The following TMEM87A variants were observed in gnomAD, a reference collection of about 807,000 sequenced individuals.
The protein encoded by TMEM87A is transmembrane protein 87A, also known as Golgi-pH regulating cation channel.
In TMEM87A, 50 loss-of-function variants were observed where a neutral mutation model predicts 90.0. That is an observed-to-expected ratio of 0.56 (90% confidence interval 0.44 to 0.70). The LOEUF (loss-of-function observed/expected upper bound fraction) is 0.70. Ranked by LOEUF, TMEM87A falls within the 30% of genes least tolerant of loss-of-function variation. The pLI is 0.00. For synonymous variants in TMEM87A, 226 were observed against 226.7 expected (o/e 1.00, Z 0.03); for missense variants, 577 against 660.5 (o/e 0.87, Z 1.39).
chr15:42,237,540 C>A lies in TMEM87A; in HGVS notation c.760G>T (p.Asp254Tyr). ...WLAWSACYWR[D>Y]LLRIQFWIGA... ...ATCCAAAACTGAATTCTCAGGAGAT[C>A]TCTCCAGTAGCAGGCAGACCATGCC... Residue 254 changes from aspartate (D) to tyrosine (Y), a missense_variant, in exon 9 of 20, where the codon GAT becomes TAT. Asp to Tyr is a radical substitution (Grantham distance 160). Coordinates refer to ENST00000389834, the MANE Select transcript of TMEM87A (RefSeq NM_015497.5). The A allele has an allele frequency of 1.9e-6, 3 of 1,614,140 alleles. No homozygotes were observed. The highest frequency in any genetic ancestry group is 2.5e-6 in the Non-Finnish European group (3 of 1,180,034).
At chr15:42,264,699 A>ATATTTT (rs10681614) in intron 3 of TMEM87A, among the ~76,000 whole-genome samples, 2,559 of 109,434 alleles carry the variant, frequency 0.023, 29 homozygotes, top group Middle Eastern at 0.034. Context: ...ATATATATAT[A>ATATTTT]TTTTTTTTTT....
intron 6 of TMEM87A, among the ~76,000 whole-genome samples, chr15:42,257,010 G>A (rs754314139): frequency 3.3e-5 from 5 of 152,166 alleles, no homozygotes; most frequent in African/African-American, 7.2e-5. Flanking sequence ...GAGCCACAGC[G>A]CCTGGCTTAA....
chr15:42,230,946 C>T (rs1483836096), intron 12 of TMEM87A, among the ~76,000 whole-genome samples: 1 of 151,974 alleles, frequency 6.6e-6, no homozygotes, highest in East Asian at 1.9e-4. Context: ...AGAAAAAAGC[C>T]AAAAGATTTT....
At chr15:42,228,589 C>A in intron 13 of TMEM87A, 123 bp downstream of exon 13, 1 of 753,984 alleles carries the variant, frequency 1.3e-6, no homozygotes, top group Non-Finnish European at 2.3e-6. Context: ...TTGACAAGAG[C>A]TAAGAACCCT....
At position 42,261,295 on chromosome 15, in the gene TMEM87A, A is replaced by G. The variant is rs750497303; in HGVS notation, c.406-46T>C. The G allele has an allele frequency of 6.5e-6, 10 of 1,545,718 alleles. No individual in the cohort carries two copies. In the South Asian group the frequency reaches 1.2e-4, roughly 18 times the overall value. On this transcript the variant is annotated intron_variant, in intron 4 of 19. Transcript: ENST00000389834. The stretch of plus-strand genomic sequence containing the variant: ...AAAACATTAAAGGTGTGTAAATACT[A>G]GAAGAAAAGTGTAGCTCAAAATACA...
In TMEM87A at chr15:42,211,706, C is replaced by G; in HGVS notation, c.*2G>C. 5 of 1,613,204 alleles carry G rather than the reference C, an allele frequency of 3.1e-6. No individual in the cohort carries two copies. Among genetic ancestry groups the G allele is most frequent in the Non-Finnish European group, 4.2e-6 (5 of 1,179,672 alleles). ...ATCTTTAACTGCAAATCTTCCCATT[C>G]CTTACTCCATTTTGGACCTTTCAAA... On this transcript the variant is annotated 3_prime_UTR_variant, in exon 20 of 20. Transcript: ENST00000389834.
intron 12 of TMEM87A, 143 bp from the exon 13 acceptor site, chr15:42,228,963 A>T: frequency 1.8e-6 from 1 of 558,830 alleles, no homozygotes; most frequent in South Asian, 2.5e-5. Flanking sequence ...TTCTCACTTA[A>T]TCTCACAAAC....
chr15:42,224,617 G>A (rs2050556136), intron 15 of TMEM87A: 1 of 152,178 alleles, frequency 6.6e-6, no homozygotes, highest in East Asian at 1.9e-4. Context: ...TGAACATCAG[G>A]ATGGTCTTGA....
At chr15:42,231,334 C>G in intron 11 of TMEM87A, 74 bp from the exon 12 acceptor site, 1 of 1,247,528 alleles carries the variant, frequency 8.0e-7, no homozygotes, top group Non-Finnish European at 1.1e-6. Context: ...CCACATGATT[C>G]TGCATTTACA....
At chr15:42,227,815 C>T (rs1279507340) in intron 13 of TMEM87A, 46 bp from the exon 14 acceptor site, 3 of 1,554,210 alleles carry the variant, frequency 1.9e-6, no homozygotes, top group Non-Finnish European at 2.7e-6. Flanking sequence ...TGCTGGTTTA[C>T]ATCCCCAATT....
chr15:42,245,606 C>T (rs1002137359), intron 6 of TMEM87A, among the ~76,000 whole-genome samples: 2 of 148,134 alleles, frequency 1.4e-5, no homozygotes, highest in East Asian at 2.0e-4. Context: ...CTCACTGTGA[C>T]GTCCGCCTCC....
chr15:42,233,937 A>ATTT (rs11285848), intron 10 of TMEM87A, among the ~76,000 whole-genome samples: 1 of 139,892 alleles, frequency 7.1e-6, no homozygotes. Flanking sequence ...CACCAGGCTA[A>ATTT]TTTTTTTTTT....
At chr15:42,249,868 G>A (rs2051051399) in intron 6 of TMEM87A, among the ~76,000 whole-genome samples, 1 of 152,140 alleles carries the variant, frequency 6.6e-6, no homozygotes, top group African/African-American at 2.4e-5. Context: ...TGACAGTGGG[G>A]TGTTAAAGTC....
intron 19 of TMEM87A, among the ~76,000 whole-genome samples, chr15:42,216,537 C>G (rs1034033901): frequency 6.6e-6 from 1 of 152,202 alleles, no homozygotes; most frequent in Non-Finnish European, 1.5e-5. Context: ...AATTAATCAG[C>G]CTTCTCTGCT....
upstream of TMEM87A, chr15:42,273,504 G>C: frequency 4.6e-6 from 7 of 1,526,718 alleles, no homozygotes; most frequent in South Asian, 1.2e-5. Context: ...TCCTGGAAAC[G>C]TCGCGGAGCT....
At chr15:42,239,511 A>G (rs2050833602) in intron 8 of TMEM87A, among the ~76,000 whole-genome samples, 159 bp downstream of exon 8, 1 of 152,220 alleles carries the variant, frequency 6.6e-6, no homozygotes, top group Non-Finnish European at 1.5e-5. Context: ...TGACTCTCTC[A>G]AAGTCCCAGT....
intron 15 of TMEM87A, among the ~76,000 whole-genome samples, chr15:42,222,645 G>A (rs1218776048): frequency 6.6e-6 from 1 of 151,462 alleles, no homozygotes; most frequent in Non-Finnish European, 1.5e-5. Flanking sequence ...TGCAACCTCC[G>A]CCTCCCGGGT....
At chr15:42,254,135 C>T (rs1287568670) in intron 6 of TMEM87A, among the ~76,000 whole-genome samples, 1 of 151,680 alleles carries the variant, frequency 6.6e-6, no homozygotes, top group Non-Finnish European at 1.5e-5. Flanking sequence ...GGTATGATCT[C>T]AAAATTGTAA....
rs182833684 is a variant in TMEM87A at position 42,237,927 on chromosome 15, C to T, written c.685-312G>A. 2.0e-3 allele frequency among the ~76,000 whole-genome samples: 303 copies of T among 152,124 alleles called. 1 individual carries two copies. The highest frequency in any genetic ancestry group is 6.3e-3 in the African/African-American group (262 of 41,484). The stretch of plus-strand genomic sequence containing the variant: ...AGCTTAACATTAACTAATATGAAAG[C>T]ATTATCTTGTCTTGAGCAGAGAAGA... On this transcript the variant is annotated intron_variant, in intron 8 of 19. Coordinates refer to ENST00000389834, the MANE Select transcript of TMEM87A (RefSeq NM_015497.5).
Sources: allele counts gnomAD v4.1 joint callset (sites outside exome capture counted in the v4.1 genomes callset), GRCh38; gene constraint gnomAD v4.1.1; transcripts MANE v1.5; gene names NCBI Gene and HGNC (gene_info 2026-07-23, HGNC 2026-07-21).